The following MAL2 variants were observed in gnomAD, a reference collection of about 807,000 sequenced individuals.
MAL2 encodes the protein protein MAL2.
In MAL2, 17 loss-of-function variants were observed where a neutral mutation model predicts 18.1. That is an observed-to-expected ratio of 0.94 (90% CI 0.64 to 1.41). The LOEUF is 1.41. Among genes scored for constraint, MAL2 ranks in the 40% most tolerant of loss-of-function variants. MAL2 has a pLI of 0.00. For synonymous variants in MAL2, 102 were observed against 102.3 expected (o/e 1.00, Z 0.02); for missense variants, 222 against 231.9 (o/e 0.96, Z 0.28).
chr8:119,221,852 CT>C, intron 2 of MAL2, 95 bp downstream of exon 2: 1 of 1,334,148 alleles, frequency 7.5e-7, no homozygotes, highest in Non-Finnish European at 1.0e-6. Flanking sequence ...TCTGTTGCCC[CT>C]AATGGGAGAG....
chr8:119,238,535 G>C (rs533515070), intron 2 of MAL2, among the ~76,000 whole-genome samples: 1 of 150,144 alleles, frequency 6.7e-6, no homozygotes, highest in South Asian at 2.1e-4. Context: ...ATACTACAAG[G>C]CTACAGTAAC....
intron 1 of MAL2, among the ~76,000 whole-genome samples, chr8:119,212,328 A>G (rs902931198): frequency 6.6e-6 from 1 of 152,230 alleles, no homozygotes; most frequent in African/African-American, 2.4e-5. Flanking sequence ...AACTACTTAT[A>G]TTCCCCAAGT....
At chr8:119,228,625 C>G (rs1817645992) in intron 2 of MAL2, among the ~76,000 whole-genome samples, 1 of 152,132 alleles carries the variant, frequency 6.6e-6, no homozygotes, top group Admixed American at 6.5e-5. Flanking sequence ...GGTAGGCACC[C>G]ATTTCCACTC....
At position 119,240,300 on chromosome 8, in the gene MAL2, A is replaced by G. The variant is rs764767176; in HGVS notation, c.439A>G (p.Asn147Asp). 1.9e-6 allele frequency: 3 copies of G among 1,613,466 alleles called. No homozygotes were observed. In the East Asian group the frequency reaches 6.7e-5, roughly 36 times the overall value. ...GCCACTCCTGAGTGATAACCAGTAT[A>G]ACATAAACGTAGCAGCCTCAGTAAG... ...GQPLLSDNQY[N>D]INVAASIFAF... The change falls in exon 3 of 4, where the codon AAC (asparagine) becomes GAC (aspartate). Residue 147 changes from asparagine to aspartate, a missense_variant. Coordinates refer to ENST00000614891, the MANE Select transcript of MAL2 (RefSeq NM_052886.3).
chr8:119,238,836 T>G (rs1406088653), intron 2 of MAL2, among the ~76,000 whole-genome samples: 2 of 151,398 alleles, frequency 1.3e-5, no homozygotes, highest in African/African-American at 4.9e-5. Context: ...GAAGAAAACC[T>G]AGGCATTACC....
rs577505404 is a variant in MAL2 at position 119,221,724 on chromosome 8, G to A, written c.270G>A (p.Met90Ile). Reference protein sequence around the residue: ...LLFLGMFLSGMVAQIDANWNF... With the variant: ...LLFLGMFLSGIVAQIDANWNF... ...TTCTGGGCATGTTCCTCTCTGGCAT[G>A]GTGGCTCAAATTGATGCTAACTGGA... The change falls in exon 2 of 4, where the codon ATG (methionine) becomes ATA (isoleucine). Residue 90 changes from methionine to isoleucine, a missense_variant. By Grantham distance (10) the Met-to-Ile change is conservative. Coordinates refer to ENST00000614891, the MANE Select transcript of MAL2 (RefSeq NM_052886.3). 1 of 1,613,776 alleles carries A rather than the reference G, an allele frequency of 6.2e-7. No homozygotes were observed. The highest frequency in any genetic ancestry group is 1.1e-5 in the South Asian group (1 of 91,068).
At chr8:119,234,107 G>C (rs7004985) in intron 2 of MAL2, among the ~76,000 whole-genome samples, 4 of 152,206 alleles carry the variant, frequency 2.6e-5, no homozygotes, top group African/African-American at 9.6e-5. Context: ...TGCGCGCACC[G>C]TGCGCGAGCC....
rs573200030 is a variant in MAL2, at chr8:119,233,734, T to A, written c.304-6431T>A. Reference sequence around the variant, plus strand: ...AGGACCAGATGGATTCACAGCCGAATTCTACCAGAGGTACAAGGAGGAACT... The same window carrying A: ...AGGACCAGATGGATTCACAGCCGAAATCTACCAGAGGTACAAGGAGGAACT... On this transcript the variant is annotated intron_variant, in intron 2 of 3. Coordinates refer to ENST00000614891, the MANE Select transcript of MAL2 (RefSeq NM_052886.3). Among the ~76,000 whole-genome samples the A allele has an allele frequency of 1.7e-3, 262 of 152,058 alleles. 4 individuals carry two copies. The highest frequency in any genetic ancestry group is 6.1e-3 in the African/African-American group (254 of 41,334).
chr8:119,221,829 C>T, intron 2 of MAL2, 72 bp downstream of exon 2: 1 of 1,485,574 alleles, frequency 6.7e-7, no homozygotes, highest in Non-Finnish European at 9.2e-7. Flanking sequence ...TTCTGAAATG[C>T]CAGAGTCCCA....
At chr8:119,243,221 G>A (rs2129933394) in intron 3 of MAL2, among the ~76,000 whole-genome samples, 196 bp from the exon 4 acceptor site, 1 of 152,060 alleles carries the variant, frequency 6.6e-6, no homozygotes, top group South Asian at 2.1e-4. Flanking sequence ...TAAAGGAAGG[G>A]GGGAGGGTAA....
At chr8:119,234,370 C>G (rs1817823669) in intron 2 of MAL2, among the ~76,000 whole-genome samples, 2 of 152,186 alleles carry the variant, frequency 1.3e-5, no homozygotes, top group South Asian at 2.1e-4. Flanking sequence ...AAGGCGGCAA[C>G]AAGGCTGGGG....
intron 2 of MAL2, 95 bp from the exon 3 acceptor site, chr8:119,240,070 G>C: frequency 7.8e-7 from 1 of 1,275,186 alleles, no homozygotes; most frequent in East Asian, 2.4e-5. Flanking sequence ...TTAATTAAAT[G>C]TTTTGATCTT....
chr8:119,237,748 C>T (rs1407493649), intron 2 of MAL2, among the ~76,000 whole-genome samples: 2 of 151,712 alleles, frequency 1.3e-5, no homozygotes, highest in African/African-American at 2.4e-5. Context: ...ACCCTTCATG[C>T]TAAAAACTCT....
intron 1 of MAL2, among the ~76,000 whole-genome samples, chr8:119,214,497 A>G (rs977706667): frequency 5.9e-5 from 9 of 152,216 alleles, no homozygotes; most frequent in Admixed American, 3.3e-4. Context: ...GGTCTGGCCA[A>G]TATCAGGGCA....
At chr8:119,221,453 A>ATGGGGTTGCTGGAATATGT in intron 1 of MAL2, 134 bp from the exon 2 acceptor site, 1 of 1,027,460 alleles carries the variant, frequency 9.7e-7, no homozygotes, top group Non-Finnish European at 1.4e-6. Context: ...AATCGAAGGG[A>ATGGGGTTGCTGGAATATGT]TGGGGTTGCT....
chr8:119,227,943 TGA>T (rs1036235683), intron 2 of MAL2, among the ~76,000 whole-genome samples: 8 of 152,204 alleles, frequency 5.3e-5, no homozygotes, highest in African/African-American at 1.9e-4. Context: ...ATCTCATTCC[TGA>T]GAGAGTCAGG....
chr8:119,212,184 G>A (rs1192158541), intron 1 of MAL2, among the ~76,000 whole-genome samples: 2 of 152,166 alleles, frequency 1.3e-5, no homozygotes, highest in Non-Finnish European at 2.9e-5. Context: ...AGATATTTAG[G>A]ATCCCTGCTC....
In MAL2 at chr8:119,208,471, G is replaced by T; in HGVS notation, c.-2G>T. On this transcript the variant is annotated 5_prime_UTR_variant, in exon 1 of 4. Coordinates refer to ENST00000614891, the MANE Select transcript of MAL2 (RefSeq NM_052886.3). The surrounding 1 kb of genome is among the most constrained non-coding windows in gnomAD (Gnocchi z 4.3). ...CGGAGACGCAGCAGCGGCAGCGGCAGCATGTCGGCCGGCGGAGCGTCAGTC... is the reference window on the plus strand; with the variant it reads ...CGGAGACGCAGCAGCGGCAGCGGCATCATGTCGGCCGGCGGAGCGTCAGTC... The T allele has an allele frequency of 7.9e-7, 1 of 1,259,204 alleles. No individual in the cohort carries two copies. 78.0% of individuals were successfully genotyped at this position (1,259,204 alleles called of 1,614,324 possible). A position where few individuals can be genotyped will look rare whatever the true frequency, so the allele number is the denominator to read the frequency against.
chr8:119,233,423 C>G (rs551826598), intron 2 of MAL2, among the ~76,000 whole-genome samples: 197 of 152,178 alleles, frequency 1.3e-3, no homozygotes, highest in Non-Finnish European at 2.3e-3. Context: ...AATTGATAGA[C>G]TGCTAGCAAG....
Sources: allele counts gnomAD v4.1 joint callset (sites outside exome capture counted in the v4.1 genomes callset), GRCh38; gene constraint gnomAD v4.1.1; non-coding constraint Gnocchi (gnomAD v3.1); transcripts MANE v1.5; gene names NCBI Gene and HGNC (gene_info 2026-07-23, HGNC 2026-07-21).